The following PLCB4 variants were observed in gnomAD, a reference collection of about 807,000 sequenced individuals.
PLCB4 encodes the protein phospholipase C beta 4, also known as 1-phosphatidylinositol 4,5-bisphosphate phosphodiesterase beta-4.
In PLCB4, 77 loss-of-function variants were observed where a neutral mutation model predicts 178.8. The observed-to-expected ratio is 0.43, with a 90% CI of 0.36 to 0.52. PLCB4 has a LOEUF of 0.52. Ranked by LOEUF, PLCB4 falls within the 20% of genes least tolerant of loss-of-function variation. PLCB4 has a pLI of 0.00. For missense variants in PLCB4, 1,024 were observed against 1,453.4 expected (o/e 0.70, Z 4.80); for synonymous variants, 496 against 490.8 (o/e 1.01, Z -0.14).
At chr20:9,135,144 C>T (rs1204773068) in intron 2 of PLCB4, among the ~76,000 whole-genome samples, 4 of 151,998 alleles carry the variant, frequency 2.6e-5, no homozygotes, top group African/African-American at 9.7e-5. Context: ...CCAACTTCTG[C>T]ACAATGTGTG....
In PLCB4 at chr20:9,325,745, G is replaced by A. The variant is rs80072909; in HGVS notation, c.85-11381G>A. Among the ~76,000 whole-genome samples, 61 of 152,278 alleles carry A rather than the reference G, an allele frequency of 4.0e-4. 1 individual carries two copies. The East Asian group carries it at 6.4e-3, about 16-fold the overall frequency. ...AGAAACAGTTTGGCCTCTCCCAGGT[G>A]GCTAATCTGGGCATTTCATTTCTCC... On this transcript the variant is annotated intron_variant, in intron 4 of 39. Transcript: ENST00000378473.
chr20:9,224,634 C>T (rs2093841046), intron 3 of PLCB4, among the ~76,000 whole-genome samples: 1 of 152,284 alleles, frequency 6.6e-6, no homozygotes. Flanking sequence ...AGACAGAATT[C>T]TTCGGTTTGG....
chr20:9,384,310 C>T lies in PLCB4; in HGVS notation c.963C>T (p.His321=). ...AAGAAATGGACCATCCTCTGGCTCA[C>T]TACTTCATCAGTTCTTCCCATAACA... ...LYQEMDHPLA[H]YFISSSHNTY... is the part of the protein sequence containing the mutation. The change falls in exon 14 of 40, where the codon CAC becomes CAT. Residue 321 remains histidine, a synonymous_variant. Coordinates refer to ENST00000378473, the MANE Select transcript of PLCB4 (RefSeq NM_001377142.1). The T allele has an allele frequency of 6.2e-7, 1 of 1,614,024 alleles. No individual in the cohort carries two copies. The highest frequency in any genetic ancestry group is 1.1e-5 in the South Asian group (1 of 91,086).
In PLCB4 at chr20:9,134,671, TC is replaced by T. The variant is rs528693209; in HGVS notation, c.-79+38334del. Among the ~76,000 whole-genome samples the T allele has an allele frequency of 4.2e-3, 644 of 152,256 alleles. 6 individuals are homozygous for T. Among genetic ancestry groups the T allele is most frequent in the African/African-American group, 0.015 (604 of 41,556 alleles). On this transcript the variant is annotated intron_variant, in intron 2 of 39. Coordinates refer to ENST00000378473, the MANE Select transcript of PLCB4 (RefSeq NM_001377142.1). ...TTGCCTAAGAGAAAAAGTAGGAGCA[TC>T]CCCCATGATCCCAGAAAGTCCTTCT...
intron 3 of PLCB4, among the ~76,000 whole-genome samples, chr20:9,272,437 C>A (rs935262973): frequency 2.0e-5 from 3 of 152,034 alleles, no homozygotes; most frequent in African/African-American, 7.2e-5. Flanking sequence ...ATTACTGACA[C>A]TTTACATGCT....
At chr20:9,276,485 G>A (rs564811268) in intron 3 of PLCB4, among the ~76,000 whole-genome samples, 14 of 152,136 alleles carry the variant, frequency 9.2e-5, no homozygotes, top group African/African-American at 2.2e-4. Flanking sequence ...GTCATAAGCC[G>A]CTATTAGAAT....
intron 11 of PLCB4, 28 bp downstream of exon 11, chr20:9,372,431 TATAA>T (rs759546756): frequency 3.6e-6 from 4 of 1,100,396 alleles, no homozygotes; most frequent in Admixed American, 3.7e-5. Flanking sequence ...GGAAGTGCCA[TATAA>T]ATATTATCAC....
intron 2 of PLCB4, among the ~76,000 whole-genome samples, chr20:9,216,022 C>T (rs536285893): frequency 2.0e-5 from 3 of 152,240 alleles, no homozygotes; most frequent in East Asian, 3.9e-4. Context: ...TACCAACCTA[C>T]CTGAGACCTT....
At chr20:9,382,961 A>C (rs1055489689) in intron 13 of PLCB4, among the ~76,000 whole-genome samples, 1 of 152,168 alleles carries the variant, frequency 6.6e-6, no homozygotes, top group Non-Finnish European at 1.5e-5. Context: ...TGACCTAACT[A>C]TCCATCAACC....
chr20:9,260,381 T>C (rs1468223538), intron 3 of PLCB4, among the ~76,000 whole-genome samples: 1 of 152,168 alleles, frequency 6.6e-6, no homozygotes, highest in Admixed American at 6.5e-5. Context: ...ATATCTTGTG[T>C]AGTTTTTTGG....
intron 25 of PLCB4, among the ~76,000 whole-genome samples, chr20:9,414,442 CT>C (rs2040099155): frequency 6.6e-6 from 1 of 152,234 alleles, no homozygotes; most frequent in Non-Finnish European, 1.5e-5. Flanking sequence ...CCGTGTCACC[CT>C]TGTGGTTCTC....
At chr20:9,240,154 A>G (rs1476972036) in intron 3 of PLCB4, among the ~76,000 whole-genome samples, 5 of 152,102 alleles carry the variant, frequency 3.3e-5, no homozygotes, top group Non-Finnish European at 7.4e-5. Context: ...TAACCATCAC[A>G]TAGTAATAAA....
At chr20:9,190,945 TCCTTGATATA>T (rs1056218133) in intron 2 of PLCB4, among the ~76,000 whole-genome samples, 3 of 152,148 alleles carry the variant, frequency 2.0e-5, no homozygotes, top group Non-Finnish European at 4.4e-5. Context: ...AACCCCCTCC[TCCTTGATATA>T]CTTTGAAGTG....
At chr20:9,192,592 C>T (rs529683484) in intron 2 of PLCB4, among the ~76,000 whole-genome samples, 2 of 136,872 alleles carry the variant, frequency 1.5e-5, no homozygotes, top group East Asian at 4.4e-4. Flanking sequence ...GTGGTGTGAT[C>T]ACCGTTCACT....
At chr20:9,141,541 T>C (rs780732614) in intron 2 of PLCB4, among the ~76,000 whole-genome samples, 1 of 152,140 alleles carries the variant, frequency 6.6e-6, no homozygotes, top group Non-Finnish European at 1.5e-5. Context: ...CACTTTTAGA[T>C]TGAGATAAAG....
At chr20:9,164,543 A>G (rs1055330641) in intron 2 of PLCB4, among the ~76,000 whole-genome samples, 1 of 152,162 alleles carries the variant, frequency 6.6e-6, no homozygotes, top group Non-Finnish European at 1.5e-5. Flanking sequence ...AATCTATATA[A>G]ACTGAAGACA....
intron 2 of PLCB4, among the ~76,000 whole-genome samples, chr20:9,162,483 T>G (rs1476767321): frequency 2.0e-5 from 3 of 152,038 alleles, no homozygotes; most frequent in Non-Finnish European, 4.4e-5. Context: ...GTAATGAGAG[T>G]CAAAAAACAG....
At chr20:9,346,363 G>C (rs1183862563) in intron 7 of PLCB4, among the ~76,000 whole-genome samples, 1 of 152,194 alleles carries the variant, frequency 6.6e-6, no homozygotes, top group Non-Finnish European at 1.5e-5. Context: ...AGGCCTTAAA[G>C]AACTTACATT....
At chr20:9,262,826 C>G (rs538296856) in intron 3 of PLCB4, among the ~76,000 whole-genome samples, 1 of 152,276 alleles carries the variant, frequency 6.6e-6, no homozygotes, top group African/African-American at 2.4e-5. Context: ...TGCAGGCACT[C>G]TCTCAAGCTG....
Sources: gnomAD v4.1 joint callset for allele counts (sites outside exome capture counted in the v4.1 genomes callset) on GRCh38, gnomAD v4.1.1 for gene constraint, MANE v1.5 for transcripts, NCBI Gene and HGNC (gene_info 2026-07-23, HGNC 2026-07-21) for gene names.